NET1: variants seen among roughly 807,000 people sequenced by gnomAD.
The protein encoded by NET1 is neuroepithelial cell transforming 1, also known as neuroepithelial cell-transforming gene 1 protein.
NET1 carries 42 observed loss-of-function variants against 61.1 expected under a neutral mutation model. The observed-to-expected ratio is 0.69, with a 90% CI of 0.54 to 0.89. NET1 has a LOEUF of 0.89. Ranked by LOEUF, NET1 falls within the 40% of genes least tolerant of loss-of-function variation. The pLI is 0.00. For missense variants in NET1, 654 were observed against 747.3 expected, an observed-to-expected ratio of 0.88 and a Z score of 1.46; for synonymous variants, 254 against 281.8, an observed-to-expected ratio of 0.90 and a Z score of 0.99.
rs1289961366 is a variant in NET1 at position 5,434,635 on chromosome 10, T to C, written c.255+5406T>C. Among the ~76,000 whole-genome samples, 4 of 151,984 alleles carry C rather than the reference T, an allele frequency of 2.6e-5. No homozygotes were observed. The East Asian group carries it at 5.8e-4, about 22-fold the overall frequency. ...ATAACTGTCTGGTTTGTCACTCTGCTCATATTTTGAGGTTTAAGGGGAATC... is the reference window on the plus strand; with the variant it reads ...ATAACTGTCTGGTTTGTCACTCTGCCCATATTTTGAGGTTTAAGGGGAATC... On this transcript the variant is annotated intron_variant, in intron 3 of 11. Coordinates refer to ENST00000355029, the MANE Select transcript of NET1 (RefSeq NM_001047160.3).
chr10:5,416,733 G>A lies in NET1; in HGVS notation c.128+3913G>A, dbSNP rs540331904. ...CAGGGCGTGCACTGGAGGTGTGCTC[G>A]CTTCTTCGGTGCCCTGCTGTTCAAA... On this transcript the variant is annotated intron_variant, in intron 1 of 11. Transcript: ENST00000355029. This position sits in a 1 kb window ranked among gnomAD's most constrained non-coding sequence, Gnocchi z 6.1. 2.6e-5 allele frequency among the ~76,000 whole-genome samples: 4 copies of A among 152,094 alleles called. No homozygotes were observed. The highest frequency in any genetic ancestry group is 7.2e-5 in the African/African-American group (3 of 41,394).
In NET1 at chr10:5,420,050, T is replaced by G. The variant is rs990126078; in HGVS notation, c.129-6605T>G. ...AGCTTTTTCTGAATGTGTAGGTGGT[T>G]GTTTTTCAATAAATTTGGAGAAGCT... On this transcript the variant is annotated intron_variant, in intron 1 of 11. Transcript: ENST00000355029. The surrounding 1 kb of genome is among the most constrained non-coding windows in gnomAD (Gnocchi z 5.3). Among the ~76,000 whole-genome samples, 18 of 152,254 alleles carry G rather than the reference T, an allele frequency of 1.2e-4. No homozygotes were observed. Among genetic ancestry groups the G allele is most frequent in the African/African-American group, 4.1e-4 (17 of 41,468 alleles).
At position 5,417,142 on chromosome 10, in the gene NET1, G is replaced by A. The variant is rs963645439; in HGVS notation, c.128+4322G>A. Among the ~76,000 whole-genome samples the A allele has an allele frequency of 6.7e-5, 10 of 148,694 alleles. No homozygotes were observed. The highest frequency in any genetic ancestry group is 1.0e-4 in the Non-Finnish European group (7 of 66,998). ...CTGGCCAAGCTCTGCGTCATTCTGCGAATCGATGGCCTGCCAGCTGGCCTG... is the reference window on the plus strand; with the variant it reads ...CTGGCCAAGCTCTGCGTCATTCTGCAAATCGATGGCCTGCCAGCTGGCCTG... On this transcript the variant is annotated intron_variant, in intron 1 of 11. Transcript: ENST00000355029. This position sits in a 1 kb window ranked among gnomAD's most constrained non-coding sequence, Gnocchi z 5.5.
rs1244447264 is a variant in NET1 at position 5,451,184 on chromosome 10, A to AGAT, written c.256-645_256-644insATG. 6.6e-6 allele frequency among the ~76,000 whole-genome samples: 1 copy of AGAT among 152,208 alleles called. No homozygotes were observed. The highest frequency in any genetic ancestry group is 1.9e-4 in the East Asian group (1 of 5,202). On this transcript the variant is annotated intron_variant, in intron 3 of 11. Transcript: ENST00000355029. This position sits in a 1 kb window ranked among gnomAD's most constrained non-coding sequence, Gnocchi z 6.1. ...AAAACTGATGCCAAGGGTGTGCCCT[A>AGAT]GCAAGTGGTAGAGCCGGGATTTGTG...
intron 3 of NET1, among the ~76,000 whole-genome samples, chr10:5,436,894 T>C (rs1348679152): frequency 6.6e-6 from 1 of 152,206 alleles, no homozygotes; most frequent in Non-Finnish European, 1.5e-5. Flanking sequence ...AATAAAACAT[T>C]GTTTTGCTGT....
At position 5,451,772 on chromosome 10, in the gene NET1, T is replaced by G; in HGVS notation, c.256-58T>G. The G allele has an allele frequency of 7.3e-7, 1 of 1,369,712 alleles. No homozygotes were observed. Among genetic ancestry groups the G allele is most frequent in the South Asian group, 1.2e-5 (1 of 80,316 alleles). 84.8% of individuals were successfully genotyped at this position (1,369,712 alleles called of 1,614,324 possible). A position where few individuals can be genotyped will look rare whatever the true frequency, so the allele number is the denominator to read the frequency against. On this transcript the variant is annotated intron_variant, in intron 3 of 11. Transcript: ENST00000355029. This position sits in a 1 kb window ranked among gnomAD's most constrained non-coding sequence, Gnocchi z 6.1. ...TGAGAGGGCTTTACTTTGTCCAAGT[T>G]TGTATGAAATCATTGCACCTAGACA...
chr10:5,435,802 A>C lies in NET1; in HGVS notation c.255+6573A>C, dbSNP rs1194708859. 1.3e-5 allele frequency among the ~76,000 whole-genome samples: 2 copies of C among 152,074 alleles called. No individual in the cohort carries two copies. Among genetic ancestry groups the C allele is most frequent in the African/African-American group, 4.8e-5 (2 of 41,402 alleles). ...GTTTATCAAATTTTTCTCTAGGTAA[A>C]ATTTCAGCCTTGTCTTACTAGGCTG... On this transcript the variant is annotated intron_variant, in intron 3 of 11. Transcript: ENST00000355029. This position sits in a 1 kb window ranked among gnomAD's most constrained non-coding sequence, Gnocchi z 5.0.
chr10:5,452,838 T>G lies in NET1; in HGVS notation c.532-20T>G. 6.2e-7 allele frequency: 1 copy of G among 1,608,158 alleles called. No homozygotes were observed. The highest frequency in any genetic ancestry group is 8.5e-7 in the Non-Finnish European group (1 of 1,177,592). ...CCTTTCTCGAAGGAATGACCTCTGA[T>G]GTTTGCTGGATGTTTTTAGGCAATA... On this transcript the variant is annotated intron_variant, in intron 5 of 11. Transcript: ENST00000355029. This position sits in a 1 kb window ranked among gnomAD's most constrained non-coding sequence, Gnocchi z 4.0.
In NET1 at chr10:5,423,607, A is replaced by G. The variant is rs1202492933; in HGVS notation, c.129-3048A>G. 6.6e-6 allele frequency among the ~76,000 whole-genome samples: 1 copy of G among 152,216 alleles called. No homozygotes were observed. Among genetic ancestry groups the G allele is most frequent in the African/African-American group, 2.4e-5 (1 of 41,466 alleles). ...ATTATTTGGATATATAGAAAAATAC[A>G]TTGGATATATGGACAAAAATTCTTG... On this transcript the variant is annotated intron_variant, in intron 1 of 11. Coordinates refer to ENST00000355029, the MANE Select transcript of NET1 (RefSeq NM_001047160.3). The surrounding 1 kb of genome is among the most constrained non-coding windows in gnomAD (Gnocchi z 4.4).
In NET1 at chr10:5,416,902, A is replaced by G. The variant is rs1006061997; in HGVS notation, c.128+4082A>G. Among the ~76,000 whole-genome samples the G allele has an allele frequency of 5.9e-5, 9 of 152,130 alleles. No individual in the cohort carries two copies. Among genetic ancestry groups the G allele is most frequent in the Non-Finnish European group, 1.3e-4 (9 of 68,024 alleles). On this transcript the variant is annotated intron_variant, in intron 1 of 11. Transcript: ENST00000355029. The surrounding 1 kb of genome is among the most constrained non-coding windows in gnomAD (Gnocchi z 6.1). ...AGCCATCCGTAGGCGGCTTGTATTC[A>G]TCAGCTCAGTTAGACCCCTGCCTTA...
rs1832169806 is a variant in NET1, at chr10:5,421,183, C to G, written c.129-5472C>G. Among the ~76,000 whole-genome samples the G allele has an allele frequency of 6.6e-6, 1 of 152,196 alleles. No individual in the cohort carries two copies. The highest frequency in any genetic ancestry group is 1.5e-5 in the Non-Finnish European group (1 of 68,036). On this transcript the variant is annotated intron_variant, in intron 1 of 11. Coordinates refer to ENST00000355029, the MANE Select transcript of NET1 (RefSeq NM_001047160.3). The surrounding 1 kb of genome is among the most constrained non-coding windows in gnomAD (Gnocchi z 4.2). ...GGACCTTGGGCAAGTTACTTAGTCT[C>G]TAAATCTCACTTCATAGTACCTATG...
chr10:5,420,753 G>A lies in NET1; in HGVS notation c.129-5902G>A, dbSNP rs368330606. On this transcript the variant is annotated intron_variant, in intron 1 of 11. Coordinates refer to ENST00000355029, the MANE Select transcript of NET1 (RefSeq NM_001047160.3). This position sits in a 1 kb window ranked among gnomAD's most constrained non-coding sequence, Gnocchi z 5.3. Reference sequence around the variant, plus strand: ...TGGGATTACAGGCAAGCGCCACCACGCCCAGCTAATTTTTGTATTTTTAGT... The same window carrying A: ...TGGGATTACAGGCAAGCGCCACCACACCCAGCTAATTTTTGTATTTTTAGT... Among the ~76,000 whole-genome samples, 14 of 152,028 alleles carry A rather than the reference G, an allele frequency of 9.2e-5. No homozygotes were observed. The highest frequency in any genetic ancestry group is 7.7e-4 in the East Asian group (4 of 5,164).
Position 5,446,975 on chromosome 10 carries a change from A to G in NET1, c.256-4855A>G, listed in dbSNP as rs568793786. The G allele has an allele frequency of 3.7e-5, 26 of 702,310 alleles. No homozygotes were observed. In the Admixed American group the frequency reaches 4.4e-4, roughly 12 times the overall value. 43.5% of individuals were successfully genotyped at this position (702,310 alleles called of 1,614,324 possible). On this transcript the variant is annotated intron_variant, in intron 3 of 11. Coordinates refer to ENST00000355029, the MANE Select transcript of NET1 (RefSeq NM_001047160.3). The surrounding 1 kb of genome is among the most constrained non-coding windows in gnomAD (Gnocchi z 5.0). ...TTAAACTTTTGATCTTATTATTACA[A>G]TGTATGTTCTTGATTTATGTGCAAG...
rs545577660 is a variant in NET1 at position 5,412,921 on chromosome 10, G to A, written c.128+101G>A. 0.013 allele frequency: 13,461 copies of A among 1,066,262 alleles called. 239 individuals carry two copies. The highest frequency in any genetic ancestry group is 0.014 in the Non-Finnish European group (12,095 of 841,786). 66.1% of individuals were successfully genotyped at this position (1,066,262 alleles called of 1,614,324 possible). A position where few individuals can be genotyped will look rare whatever the true frequency, so the allele number is the denominator to read the frequency against. Reference sequence around the variant, plus strand: ...GGAGAGGCAAGGGCCGGGGGGAGGGGAGGGCTGGCCGGGAGTTGGATGTGG... The same window carrying A: ...GGAGAGGCAAGGGCCGGGGGGAGGGAAGGGCTGGCCGGGAGTTGGATGTGG... On this transcript the variant is annotated intron_variant, in intron 1 of 11. Transcript: ENST00000355029. The surrounding 1 kb of genome is among the most constrained non-coding windows in gnomAD (Gnocchi z 6.5).
rs756328814 is a variant in NET1, at chr10:5,456,171, C to T, written c.1282C>T (p.Arg428Trp). The T allele has an allele frequency of 6.8e-6, 11 of 1,614,168 alleles. No homozygotes were observed. Among genetic ancestry groups the T allele is most frequent in the Admixed American group, 1.7e-5 (1 of 60,020 alleles). ...CGAACGGCACTCTTACCAGGTTTAC[C>T]GGCAGCCAATCCCAGTCCAAGAGCT... ...RNERHSYQVY[R>W]QPIPVQELVL... is the part of the protein sequence containing the mutation. The change falls in exon 11 of 12, where the codon CGG (arginine) becomes TGG (tryptophan). Residue 428 changes from arginine to tryptophan, a missense_variant. Arg to Trp is a moderately radical substitution (Grantham distance 101). Transcript: ENST00000355029. This position sits in a 1 kb window ranked among gnomAD's most constrained non-coding sequence, Gnocchi z 7.0.
chr10:5,413,789 G>A (rs552227109), intron 1 of NET1, among the ~76,000 whole-genome samples: 41 of 152,250 alleles, frequency 2.7e-4, no homozygotes, highest in African/African-American at 9.1e-4. Context: ...GAGAATGTGC[G>A]ATTTGTTCAG....
chr10:5,454,196 T>G lies in NET1; in HGVS notation c.769-69T>G, dbSNP rs574109534. ...ATAGCTGTACATTTTGTGTTTCATGTTTGCAGGCTTGTTAATGCACTCGGT... is the reference window on the plus strand; with the variant it reads ...ATAGCTGTACATTTTGTGTTTCATGGTTGCAGGCTTGTTAATGCACTCGGT... On this transcript the variant is annotated intron_variant, in intron 8 of 11. Coordinates refer to ENST00000355029, the MANE Select transcript of NET1 (RefSeq NM_001047160.3). This position sits in a 1 kb window ranked among gnomAD's most constrained non-coding sequence, Gnocchi z 8.1. 1 of 1,480,252 alleles carries G rather than the reference T, an allele frequency of 6.8e-7. No individual in the cohort carries two copies. Among genetic ancestry groups the G allele is most frequent in the Admixed American group, 2.2e-5 (1 of 45,932 alleles). 91.7% of individuals were successfully genotyped at this position (1,480,252 alleles called of 1,614,324 possible).
In NET1 at chr10:5,452,503, C is replaced by A; in HGVS notation, c.509C>A (p.Thr170Asn). The A allele has an allele frequency of 6.2e-7, 1 of 1,613,620 alleles. No homozygotes were observed. Among genetic ancestry groups the A allele is most frequent in the African/African-American group, 1.3e-5 (1 of 75,020 alleles). The change falls in exon 5 of 12, where the codon ACC (threonine) becomes AAC (asparagine). Residue 170 changes from threonine (T) to asparagine (N), a missense_variant. Physicochemically the swap from Thr to Asn is moderately conservative, Grantham distance 65 (BLOSUM62 0). Transcript: ENST00000355029. The surrounding 1 kb of genome is among the most constrained non-coding windows in gnomAD (Gnocchi z 4.0). ...LDITMKESLT[T>N]REIRRQEAIY... ...ATCACCATGAAGGAGTCTCTCACCA[C>A]CAGGGAGATCAGACGGCAGGAGGTA...
rs1832273774 is a variant in NET1 at position 5,427,383 on chromosome 10, C to T, written c.195+662C>T. On this transcript the variant is annotated intron_variant, in intron 2 of 11. Coordinates refer to ENST00000355029, the MANE Select transcript of NET1 (RefSeq NM_001047160.3). The surrounding 1 kb of genome is among the most constrained non-coding windows in gnomAD (Gnocchi z 4.1). ...GTATGATCATATATGTGCTTTTTTC[C>T]CCTTAGTACAGTCTAATATTGCTAG... Among the ~76,000 whole-genome samples the T allele has an allele frequency of 6.6e-6, 1 of 151,746 alleles. No homozygotes were observed. Among genetic ancestry groups the T allele is most frequent in the South Asian group, 2.1e-4 (1 of 4,812 alleles).
Sources: gnomAD v4.1 joint callset for allele counts (sites outside exome capture counted in the v4.1 genomes callset) on GRCh38, gnomAD v4.1.1 for gene constraint, Gnocchi (gnomAD v3.1) non-coding constraint, MANE v1.5 for transcripts, NCBI Gene and HGNC (gene_info 2026-07-23, HGNC 2026-07-21) for gene names.